ASTN2: variants seen among roughly 807,000 people sequenced by gnomAD.
The protein encoded by ASTN2 is astrotactin 2.
In ASTN2, 54 loss-of-function variants were observed where a neutral mutation model predicts 139.8. The ratio of observed to expected loss-of-function variants is 0.39; its 90% CI spans 0.31 to 0.48. The LOEUF (loss-of-function observed/expected upper bound fraction) is 0.48. ASTN2 is among the 20% of genes least tolerant of loss of function. ASTN2 has a pLI of 0.95. For missense variants in ASTN2, 1,565 were observed against 1,725.1 expected, an observed-to-expected ratio of 0.91 and a Z score of 1.64; for synonymous variants, 756 against 719.5, an observed-to-expected ratio of 1.05 and a Z score of -0.81.
chr9:116,439,241 C>T (rs181521434), intron 22 of ASTN2, among the ~76,000 whole-genome samples: 4,658 of 113,356 alleles, frequency 0.041, 153 homozygotes, highest in East Asian at 0.13. Flanking sequence ...CGCTCTGTCG[C>T]CCAGGCTGGA....
chr9:116,805,441 G>C (rs540661699), intron 13 of ASTN2, among the ~76,000 whole-genome samples, 191 bp downstream of exon 13: 1 of 152,164 alleles, frequency 6.6e-6, no homozygotes, highest in Admixed American at 6.5e-5. Flanking sequence ...TATATGCTAG[G>C]ACCATGAAAA....
chr9:117,117,988 T>C (rs993108847), intron 4 of ASTN2, among the ~76,000 whole-genome samples: 1 of 151,860 alleles, frequency 6.6e-6, no homozygotes, highest in African/African-American at 2.4e-5. Context: ...AAAAAATAAA[T>C]AAATAAATCC....
intron 1 of ASTN2, among the ~76,000 whole-genome samples, chr9:117,360,465 G>A (rs1342842673): frequency 6.6e-6 from 1 of 152,150 alleles, no homozygotes; most frequent in African/African-American, 2.4e-5. Flanking sequence ...AGGCAAAAAA[G>A]TGGAAACTAT....
At chr9:117,110,969 G>C (rs1829234646) in intron 4 of ASTN2, among the ~76,000 whole-genome samples, 1 of 152,090 alleles carries the variant, frequency 6.6e-6, no homozygotes, top group South Asian at 2.1e-4. Flanking sequence ...ATCTCCGGCT[G>C]ACCTCTGGAC....
chr9:116,637,540 T>C (rs1369687197), intron 17 of ASTN2, among the ~76,000 whole-genome samples: 1 of 152,206 alleles, frequency 6.6e-6, no homozygotes, highest in Non-Finnish European at 1.5e-5. Context: ...TCAAAACATA[T>C]GCTCTGTCTA....
chr9:116,649,546 C>T (rs1336384870), intron 17 of ASTN2, among the ~76,000 whole-genome samples: 1 of 147,992 alleles, frequency 6.8e-6, no homozygotes, highest in Non-Finnish European at 1.5e-5. Flanking sequence ...TGCACTCCAG[C>T]CTGGGCAACA....
intron 6 of ASTN2, 43 bp downstream of exon 6, chr9:117,039,776 G>A: frequency 6.3e-6 from 10 of 1,582,106 alleles, no homozygotes; most frequent in Non-Finnish European, 8.6e-6. Flanking sequence ...AGGGGTGCAA[G>A]GTGCTGAGTG....
At chr9:117,071,333 G>A (rs957092420) in intron 5 of ASTN2, among the ~76,000 whole-genome samples, 10 of 151,766 alleles carry the variant, frequency 6.6e-5, no homozygotes, top group South Asian at 6.3e-4. Flanking sequence ...GGGGGTCAGG[G>A]GTCAGGGACC....
intron 5 of ASTN2, among the ~76,000 whole-genome samples, chr9:117,077,440 G>A (rs112318271): frequency 0.029 from 4,367 of 152,252 alleles, 199 homozygotes; most frequent in African/African-American, 0.1. Flanking sequence ...TATAAGGTAA[G>A]TAAGCTATAA....
intron 11 of ASTN2, among the ~76,000 whole-genome samples, chr9:116,833,762 T>A (rs907026178): frequency 6.6e-6 from 1 of 152,230 alleles, no homozygotes; most frequent in Admixed American, 6.5e-5. Context: ...TGAAGATTTA[T>A]GTCCCCACAA....
chr9:116,694,062 C>T (rs1860709630), intron 16 of ASTN2, among the ~76,000 whole-genome samples: 1 of 152,166 alleles, frequency 6.6e-6, no homozygotes, highest in African/African-American at 2.4e-5. Context: ...CAAAGCATGG[C>T]AGCTTTGGGG....
intron 10 of ASTN2, among the ~76,000 whole-genome samples, chr9:116,865,200 G>C (rs956669846): frequency 2.0e-5 from 3 of 152,056 alleles, no homozygotes; most frequent in African/African-American, 7.2e-5. Flanking sequence ...GCTGGGCATA[G>C]TGGCTCATGC....
chr9:116,961,076 A>T (rs1888289), intron 10 of ASTN2, among the ~76,000 whole-genome samples: 147,852 of 152,084 alleles, frequency 0.97, 71,998 homozygotes, highest in East Asian at 1. Context: ...GGACTCTGCA[A>T]CTAGAGTGCC....
intron 19 of ASTN2, among the ~76,000 whole-genome samples, chr9:116,570,405 T>C (rs572993858): frequency 6.6e-6 from 1 of 152,258 alleles, no homozygotes; most frequent in African/African-American, 2.4e-5. Flanking sequence ...CTTTTTTTTT[T>C]TGAGACAGAA....
intron 1 of ASTN2, among the ~76,000 whole-genome samples, chr9:117,348,620 G>C (rs1587970402): frequency 6.6e-6 from 1 of 152,166 alleles, no homozygotes; most frequent in East Asian, 1.9e-4. Context: ...TGTTTGTTTG[G>C]GTGTGGGTAG....
intron 1 of ASTN2, among the ~76,000 whole-genome samples, chr9:117,344,774 T>C (rs1829163767): frequency 6.6e-6 from 1 of 151,914 alleles, no homozygotes; most frequent in Non-Finnish European, 1.5e-5. Context: ...ATGAAAAGGG[T>C]GAGGCAGAGG....
intron 3 of ASTN2, among the ~76,000 whole-genome samples, chr9:117,178,881 A>G (rs954891573): frequency 6.6e-6 from 1 of 152,228 alleles, no homozygotes; most frequent in Admixed American, 6.5e-5. Flanking sequence ...CCACCACCAC[A>G]GACAGTGATG....
chr9:117,070,737 C>T (rs1828094302), intron 5 of ASTN2, among the ~76,000 whole-genome samples: 1 of 150,972 alleles, frequency 6.6e-6, no homozygotes, highest in South Asian at 2.1e-4. Flanking sequence ...CTAAACTTCC[C>T]TTCTCACTTC....
intron 3 of ASTN2, among the ~76,000 whole-genome samples, chr9:117,196,409 A>C (rs1023849994): frequency 6.6e-6 from 1 of 152,176 alleles, no homozygotes; most frequent in Admixed American, 6.6e-5. Flanking sequence ...GGTAATGTAC[A>C]GGACAGCAGC....
Sources: allele counts gnomAD v4.1 joint callset (sites outside exome capture counted in the v4.1 genomes callset), GRCh38; gene constraint gnomAD v4.1.1; transcripts MANE v1.5; gene names NCBI Gene and HGNC (gene_info 2026-07-23, HGNC 2026-07-21).